The following MACROD2 variants were observed in gnomAD, a reference collection of about 807,000 sequenced individuals.
MACROD2 encodes mono-ADP ribosylhydrolase 2.
In MACROD2, 36 loss-of-function variants were observed where a neutral mutation model predicts 70.4. That is an observed-to-expected ratio of 0.51 (90% confidence interval 0.39 to 0.68). The LOEUF (loss-of-function observed/expected upper bound fraction) is 0.68. Ranked by LOEUF, MACROD2 falls within the 30% of genes least tolerant of loss-of-function variation. The pLI, the probability that MACROD2 is intolerant of heterozygous loss-of-function variation, is 0.00. For synonymous variants in MACROD2, 172 were observed against 178.8 expected (o/e 0.96, Z 0.30); for missense variants, 496 against 538.4 (o/e 0.92, Z 0.78).
At chr20:14,113,624 A>G (rs1356350352) in intron 3 of MACROD2, among the ~76,000 whole-genome samples, 1 of 152,082 alleles carries the variant, frequency 6.6e-6, no homozygotes, top group Non-Finnish European at 1.5e-5. Context: ...AGGCAATTTC[A>G]CTGATCGCTA....
At chr20:15,472,673 C>G (rs1319066911) in intron 7 of MACROD2, among the ~76,000 whole-genome samples, 2 of 152,088 alleles carry the variant, frequency 1.3e-5, no homozygotes, top group Non-Finnish European at 2.9e-5. Context: ...CCACCTTTTC[C>G]CCTCTTGCTA....
At chr20:14,093,251 AC>A (rs1280252340) in intron 3 of MACROD2, among the ~76,000 whole-genome samples, 1 of 148,306 alleles carries the variant, frequency 6.7e-6, no homozygotes, top group African/African-American at 2.5e-5. Flanking sequence ...GGCTAATTAA[AC>A]TTTTTTTTTT....
chr20:14,030,007 A>C (rs1027924713), intron 2 of MACROD2, among the ~76,000 whole-genome samples: 2 of 152,178 alleles, frequency 1.3e-5, no homozygotes, highest in South Asian at 2.1e-4. Flanking sequence ...GGAGCTAAGA[A>C]ATAGTACTTT....
intron 8 of MACROD2, among the ~76,000 whole-genome samples, chr20:15,605,325 A>T (rs1414873889): frequency 6.6e-6 from 1 of 151,360 alleles, no homozygotes; most frequent in Non-Finnish European, 1.5e-5. Flanking sequence ...TGTAATATAG[A>T]TTTTTTTTTC....
intron 3 of MACROD2, among the ~76,000 whole-genome samples, chr20:14,438,304 T>C (rs1418440611): frequency 6.6e-6 from 1 of 152,208 alleles, no homozygotes; most frequent in East Asian, 1.9e-4. Context: ...ACAGTTTATT[T>C]CATCCATTTG....
intron 4 of MACROD2, among the ~76,000 whole-genome samples, chr20:14,667,217 A>G (rs904706510): frequency 2.0e-5 from 3 of 152,050 alleles, no homozygotes; most frequent in Non-Finnish European, 4.4e-5. Context: ...GGTTGAAACT[A>G]TTATCATGTC....
intron 5 of MACROD2, among the ~76,000 whole-genome samples, chr20:15,129,690 C>T (rs566140219): frequency 5.3e-5 from 8 of 152,220 alleles, no homozygotes; most frequent in Non-Finnish European, 2.9e-5. Flanking sequence ...TTTGCTCTCT[C>T]TTACGACTGA....
chr20:15,530,100 A>T (rs1419923191), intron 8 of MACROD2, among the ~76,000 whole-genome samples: 1 of 152,176 alleles, frequency 6.6e-6, no homozygotes, highest in African/African-American at 2.4e-5. Flanking sequence ...AGGCCTAAAA[A>T]GTTTTATTTG....
At chr20:15,084,996 C>A (rs2075735971) in intron 5 of MACROD2, among the ~76,000 whole-genome samples, 1 of 152,152 alleles carries the variant, frequency 6.6e-6, no homozygotes, top group Non-Finnish European at 1.5e-5. Flanking sequence ...TTGTAGGACT[C>A]ACACTTCCTG....
intron 3 of MACROD2, among the ~76,000 whole-genome samples, chr20:14,318,496 C>T (rs2082631902): frequency 6.6e-6 from 1 of 152,128 alleles, no homozygotes; most frequent in South Asian, 2.1e-4. Flanking sequence ...TGCCTGGAAT[C>T]TTATGATACT....
chr20:15,612,874 A>G (rs2146712904), intron 8 of MACROD2, among the ~76,000 whole-genome samples: 1 of 152,352 alleles, frequency 6.6e-6, no homozygotes, highest in African/African-American at 2.4e-5. Flanking sequence ...GCATTTTCCC[A>G]TCACTTACTA....
chr20:15,961,204 G>A (rs2066055889), intron 12 of MACROD2, among the ~76,000 whole-genome samples: 1 of 152,042 alleles, frequency 6.6e-6, no homozygotes, highest in Non-Finnish European at 1.5e-5. Context: ...GGGGGAATGG[G>A]GGCCCATGAT....
At chr20:14,815,554 A>G (rs1411619019) in intron 5 of MACROD2, among the ~76,000 whole-genome samples, 1 of 151,982 alleles carries the variant, frequency 6.6e-6, no homozygotes, top group South Asian at 2.1e-4. Context: ...TTCCCTCTAT[A>G]GCATTGCAAA....
At chr20:14,315,141 A>G (rs2082602421) in intron 3 of MACROD2, among the ~76,000 whole-genome samples, 2 of 152,224 alleles carry the variant, frequency 1.3e-5, no homozygotes, top group South Asian at 4.1e-4. Flanking sequence ...TCTGGAGTCA[A>G]GACACTTGGA....
intron 3 of MACROD2, among the ~76,000 whole-genome samples, chr20:14,358,360 A>T (rs757085377): frequency 6.6e-6 from 1 of 152,188 alleles, no homozygotes; most frequent in South Asian, 2.1e-4. Flanking sequence ...CATTGAACAT[A>T]TATATATTCC....
intron 5 of MACROD2, among the ~76,000 whole-genome samples, chr20:15,084,347 C>T (rs981363251): frequency 7.2e-5 from 11 of 152,160 alleles, no homozygotes; most frequent in African/African-American, 2.4e-4. Flanking sequence ...GGATTACAGA[C>T]GTGAGCCACC....
At chr20:15,110,611 A>G (rs1388487758) in intron 5 of MACROD2, among the ~76,000 whole-genome samples, 1 of 152,216 alleles carries the variant, frequency 6.6e-6, no homozygotes, top group African/African-American at 2.4e-5. Flanking sequence ...GTGGAAAACC[A>G]AAAAGTATGA....
intron 5 of MACROD2, among the ~76,000 whole-genome samples, chr20:15,121,700 A>G (rs2076032299): frequency 2.0e-5 from 3 of 152,150 alleles, no homozygotes; most frequent in Admixed American, 2.0e-4. Flanking sequence ...CATTTTAAAC[A>G]TAAAATTACT....
chr20:14,157,102 A>G (rs1386446528), intron 3 of MACROD2, among the ~76,000 whole-genome samples: 3 of 152,162 alleles, frequency 2.0e-5, no homozygotes, highest in Admixed American at 6.5e-5. Flanking sequence ...GACTGGGCAA[A>G]ATTAAACTAC....
Sources: allele counts gnomAD v4.1 joint callset (sites outside exome capture counted in the v4.1 genomes callset), GRCh38; gene constraint gnomAD v4.1.1; transcripts MANE v1.5; gene names NCBI Gene and HGNC (gene_info 2026-07-23, HGNC 2026-07-21).